ADARB2: variants seen among roughly 807,000 people sequenced by gnomAD.
ADARB2 encodes adenosine deaminase RNA specific B2 (inactive).
In ADARB2, 25 loss-of-function variants were observed where a neutral mutation model predicts 62.2. The observed-to-expected ratio is 0.40, with a 90% CI of 0.29 to 0.56. ADARB2 has a LOEUF of 0.56. ADARB2 is among the 20% of genes least tolerant of loss of function. The pLI is 0.43. For synonymous variants in ADARB2, 572 were observed against 500.8 expected (o/e 1.14, Z -1.90); for missense variants, 1,071 against 1,077.4 (o/e 0.99, Z 0.08).
At chr10:1,461,931 G>A (rs935314631) in intron 1 of ADARB2, among the ~76,000 whole-genome samples, 1 of 152,176 alleles carries the variant, frequency 6.6e-6, no homozygotes, top group African/African-American at 2.4e-5. Flanking sequence ...GAACTGGGGA[G>A]GCGGAGGTTG....
At chr10:1,260,829 G>T (rs1462823912) in intron 4 of ADARB2, among the ~76,000 whole-genome samples, 1 of 146,218 alleles carries the variant, frequency 6.8e-6, no homozygotes, top group Non-Finnish European at 1.5e-5. Context: ...AACCAAAAAA[G>T]AGCCCGCATC....
chr10:1,252,255 A>C (rs1290515756), intron 4 of ADARB2, among the ~76,000 whole-genome samples: 7 of 152,266 alleles, frequency 4.6e-5, no homozygotes, highest in African/African-American at 1.7e-4. Context: ...AAAGAAATAC[A>C]TTTCAAAATT....
chr10:1,591,494 G>A (rs906719591), intron 1 of ADARB2, among the ~76,000 whole-genome samples: 6 of 152,168 alleles, frequency 3.9e-5, no homozygotes, highest in Non-Finnish European at 5.9e-5. Flanking sequence ...GTCTTCATGG[G>A]AGCCCCTGAG....
At chr10:1,345,782 G>A (rs1412782573) in intron 3 of ADARB2, among the ~76,000 whole-genome samples, 2 of 152,174 alleles carry the variant, frequency 1.3e-5, no homozygotes, top group African/African-American at 4.8e-5. Flanking sequence ...CCTGTTTCTT[G>A]GCATTGAAAT....
In ADARB2 at chr10:1,626,360, C is replaced by T. The variant is rs796275119; in HGVS notation, c.100+110691G>A. On this transcript the variant is annotated intron_variant, in intron 1 of 9. Coordinates refer to ENST00000381312, the MANE Select transcript of ADARB2 (RefSeq NM_018702.4). ...TGCATGGACACAGGCCTCCACTGGA[C>T]CTCGGATGCTAACCCCATGTCTGCC... Among the ~76,000 whole-genome samples, 62 of 118,038 alleles carry T rather than the reference C, an allele frequency of 5.3e-4. 1 individual carries two copies. The highest frequency in any genetic ancestry group is 2.5e-3 in the East Asian group (7 of 2,834). The allele number at this position is 118,038 out of a possible 152,430, so 77.4% of individuals were successfully genotyped here. A position where few individuals can be genotyped will look rare whatever the true frequency, so the allele number is the denominator to read the frequency against.
At chr10:1,243,296 C>T (rs1159785923) in intron 4 of ADARB2, among the ~76,000 whole-genome samples, 1 of 152,242 alleles carries the variant, frequency 6.6e-6, no homozygotes, top group East Asian at 1.9e-4. Flanking sequence ...CCGCTGACCG[C>T]GGCCACGTCC....
intron 1 of ADARB2, among the ~76,000 whole-genome samples, chr10:1,568,125 A>C (rs1832881326): frequency 6.6e-6 from 1 of 152,074 alleles, no homozygotes; most frequent in Non-Finnish European, 1.5e-5. Flanking sequence ...AGTGCAAACC[A>C]CCCGGGGAAC....
chr10:1,192,375 TTCTC>T (rs1472014498), intron 8 of ADARB2, among the ~76,000 whole-genome samples: 1 of 152,170 alleles, frequency 6.6e-6, no homozygotes, highest in Non-Finnish European at 1.5e-5. Context: ...TGCGGGGTCT[TTCTC>T]TCTCTCACGC....
chr10:1,388,362 G>A (rs1191757480), intron 1 of ADARB2, among the ~76,000 whole-genome samples: 7 of 152,108 alleles, frequency 4.6e-5, no homozygotes, highest in Non-Finnish European at 4.4e-5. Flanking sequence ...ATTCAACATT[G>A]GACAGAGGTC....
intron 1 of ADARB2, among the ~76,000 whole-genome samples, chr10:1,434,391 T>A (rs1313084599): frequency 1.3e-5 from 2 of 152,196 alleles, no homozygotes; most frequent in East Asian, 3.8e-4. Context: ...GGGCCTCAGA[T>A]GTGTGGGTGT....
intron 1 of ADARB2, among the ~76,000 whole-genome samples, chr10:1,696,851 C>A (rs1834752501): frequency 6.6e-6 from 1 of 152,238 alleles, no homozygotes; most frequent in African/African-American, 2.4e-5. Flanking sequence ...CCAGCCTCCA[C>A]CAGCTTCTAG....
At chr10:1,604,402 G>A (rs921716348) in intron 1 of ADARB2, among the ~76,000 whole-genome samples, 2 of 152,154 alleles carry the variant, frequency 1.3e-5, no homozygotes, top group African/African-American at 2.4e-5. Flanking sequence ...TGGCTTCCCT[G>A]TGATCTCCAG....
chr10:1,660,423 G>A (rs1834231345), intron 1 of ADARB2, among the ~76,000 whole-genome samples: 1 of 152,232 alleles, frequency 6.6e-6, no homozygotes, highest in African/African-American at 2.4e-5. Flanking sequence ...ACAGATGAGT[G>A]TGACTATGTA....
chr10:1,549,112 G>A (rs930896734), intron 1 of ADARB2, among the ~76,000 whole-genome samples: 11 of 151,102 alleles, frequency 7.3e-5, no homozygotes, highest in African/African-American at 2.4e-4. Context: ...AGAGGCTGGC[G>A]TCCGGTACAC....
intron 1 of ADARB2, among the ~76,000 whole-genome samples, chr10:1,690,932 C>T (rs141329810): frequency 9.1e-4 from 139 of 152,282 alleles, no homozygotes; most frequent in African/African-American, 2.9e-3. Context: ...AGTCTGATGA[C>T]GCCAGGCAGG....
chr10:1,505,853 C>G (rs768389209), intron 1 of ADARB2, among the ~76,000 whole-genome samples: 2 of 152,174 alleles, frequency 1.3e-5, no homozygotes, highest in Non-Finnish European at 2.9e-5. Context: ...GAAGCTCCAT[C>G]GTGTTCTATT....
intron 1 of ADARB2, among the ~76,000 whole-genome samples, chr10:1,736,628 G>T (rs1835303945): frequency 6.6e-6 from 1 of 152,254 alleles, no homozygotes; most frequent in Non-Finnish European, 1.5e-5. Flanking sequence ...CTCCGGGACA[G>T]TTTGGATGGG....
chr10:1,657,212 A>G (rs1391886662), intron 1 of ADARB2, among the ~76,000 whole-genome samples: 1 of 152,220 alleles, frequency 6.6e-6, no homozygotes, highest in Non-Finnish European at 1.5e-5. Flanking sequence ...TTTTCAAAAA[A>G]GTATGAAAGC....
intron 8 of ADARB2, among the ~76,000 whole-genome samples, chr10:1,197,425 C>A (rs1201652113): frequency 2.0e-5 from 3 of 152,196 alleles, no homozygotes; most frequent in Admixed American, 1.3e-4. Context: ...ACGTATCTAA[C>A]TTCTTTTCTG....
Sources: gnomAD v4.1 joint callset for allele counts (sites outside exome capture counted in the v4.1 genomes callset) on GRCh38, gnomAD v4.1.1 for gene constraint, MANE v1.5 for transcripts, NCBI Gene and HGNC (gene_info 2026-07-23, HGNC 2026-07-21) for gene names.